Variants in B3GALT1 observed in about 807,000 individuals in gnomAD.
B3GALT1 encodes the protein UDP-Gal:betaGlcNAc beta 1,3-galactosyltransferase, polypeptide 1.
Under a neutral mutation model 23.2 loss-of-function variants are expected in B3GALT1, and 10 were observed. The ratio of observed to expected loss-of-function variants is 0.43; its 90% confidence interval spans 0.27 to 0.73. The LOEUF (loss-of-function observed/expected upper bound fraction) is 0.73, where lower values mean the gene tolerates loss of function less well. B3GALT1 is among the 30% of genes least tolerant of loss of function. The probability of loss-of-function intolerance (pLI) is 0.21; values close to 1 mark genes in which losing one functional copy is unlikely to be tolerated. For missense variants in B3GALT1, 299 were observed against 405.4 expected, an observed-to-expected ratio of 0.74 and a Z score of 2.25; for synonymous variants, 156 against 141.5, an observed-to-expected ratio of 1.10 and a Z score of -0.73.
At chr2:167,298,399 G>T (rs1696391085) in intron 1 of B3GALT1, among the ~76,000 whole-genome samples, 1 of 152,052 alleles carries the variant, frequency 6.6e-6, no homozygotes, top group African/African-American at 2.4e-5. Flanking sequence ...CTACTAGTTT[G>T]TGCATTTTAT....
intron 3 of B3GALT1, among the ~76,000 whole-genome samples, chr2:167,688,510 G>T (rs767898034): frequency 1.3e-5 from 2 of 152,002 alleles, no homozygotes; most frequent in Non-Finnish European, 2.9e-5. Context: ...ATACAATAAT[G>T]AAATTTTTAA....
In B3GALT1 at chr2:167,616,190, G is replaced by A. The variant is rs544373147; in HGVS notation, c.-409-30719G>A. 3.3e-5 allele frequency among the ~76,000 whole-genome samples: 5 copies of A among 152,056 alleles called. 1 individual carries two copies. In the South Asian group the frequency reaches 8.3e-4, roughly 25 times the overall value. The stretch of plus-strand genomic sequence containing the variant: ...GAGATTGAATATCTAATATTTCAAA[G>A]CAGTAATGATTCAAATGTTGAATAA... On this transcript the variant is annotated intron_variant, in intron 2 of 4. Coordinates refer to ENST00000392690, the MANE Select transcript of B3GALT1 (RefSeq NM_020981.4).
chr2:167,561,421 C>G (rs1452235306), intron 2 of B3GALT1, among the ~76,000 whole-genome samples: 3 of 151,954 alleles, frequency 2.0e-5, no homozygotes, highest in Non-Finnish European at 4.4e-5. Context: ...CAAACACATT[C>G]AAAAGCTAGC....
chr2:167,873,024 C>T lies in B3GALT1; in HGVS notation c.*3004C>T, dbSNP rs1435210883. Reference sequence around the variant, plus strand: ...GTGATCAAGAAAAAGCTCTAACTTTCGACTTTTGTTAATTTTATGACATGA... The same window carrying T: ...GTGATCAAGAAAAAGCTCTAACTTTTGACTTTTGTTAATTTTATGACATGA... On this transcript the variant is annotated 3_prime_UTR_variant, in exon 5 of 5. Transcript: ENST00000392690. 4 of 152,064 alleles carry T rather than the reference C, an allele frequency of 2.6e-5. No individual in the cohort carries two copies. Among genetic ancestry groups the T allele is most frequent in the East Asian group, 1.9e-4 (1 of 5,196 alleles). The allele number at this position is 152,064 out of a possible 1,614,324, so 9.4% of individuals were successfully genotyped here. A position where few individuals can be genotyped will look rare whatever the true frequency, so the allele number is the denominator to read the frequency against.
chr2:167,606,953 G>T (rs1390747960), intron 2 of B3GALT1, among the ~76,000 whole-genome samples: 1 of 152,110 alleles, frequency 6.6e-6, no homozygotes, highest in Non-Finnish European at 1.5e-5. Context: ...AGCATTTAGG[G>T]GGACGGATTC....
At chr2:167,671,904 A>T (rs1686332461) in intron 3 of B3GALT1, among the ~76,000 whole-genome samples, 1 of 152,098 alleles carries the variant, frequency 6.6e-6, no homozygotes, top group African/African-American at 2.4e-5. Context: ...AAAAGAGAAG[A>T]CTCAAATAAA....
At chr2:167,440,344 GAAAAAAAA>G (rs745706207) in intron 1 of B3GALT1, among the ~76,000 whole-genome samples, 1 of 70,140 alleles carries the variant, frequency 1.4e-5, no homozygotes, top group East Asian at 4.8e-4. Flanking sequence ...GACTCTGTCT[GAAAAAAAA>G]AAAAAAAAAA....
intron 2 of B3GALT1, among the ~76,000 whole-genome samples, chr2:167,545,979 G>A (rs562466831): frequency 1.3e-5 from 2 of 152,234 alleles, no homozygotes; most frequent in South Asian, 4.1e-4. Context: ...ATAGGCTGAA[G>A]GTACTTTTAT....
At chr2:167,642,852 C>G (rs1558934574) in intron 2 of B3GALT1, among the ~76,000 whole-genome samples, 1 of 152,088 alleles carries the variant, frequency 6.6e-6, no homozygotes, top group East Asian at 1.9e-4. Flanking sequence ...AAAACATTGG[C>G]TAATATAATA....
rs571893626 is a variant in B3GALT1, at chr2:167,425,956, A to T, written c.-510-64221A>T. On this transcript the variant is annotated intron_variant, in intron 1 of 4. Coordinates refer to ENST00000392690, the MANE Select transcript of B3GALT1 (RefSeq NM_020981.4). ...ATACCATTTTTTGCTGCTTTAAAGC[A>T]CCTTTTTTTCATTCCCTCAGCAATT... Among the ~76,000 whole-genome samples the T allele has an allele frequency of 3.3e-5, 5 of 152,292 alleles. No homozygotes were observed. The East Asian group carries it at 9.6e-4, about 29-fold the overall frequency.
At chr2:167,353,747 A>G (rs939558862) in intron 1 of B3GALT1, among the ~76,000 whole-genome samples, 3 of 152,152 alleles carry the variant, frequency 2.0e-5, no homozygotes, top group Non-Finnish European at 4.4e-5. Context: ...ATGATTTTTC[A>G]ATTTCCTGTA....
At chr2:167,336,832 A>G (rs1447857950) in intron 1 of B3GALT1, among the ~76,000 whole-genome samples, 1 of 152,100 alleles carries the variant, frequency 6.6e-6, no homozygotes, top group African/African-American at 2.4e-5. Flanking sequence ...CATTTCCCTC[A>G]AGGGCCCATA....
intron 2 of B3GALT1, among the ~76,000 whole-genome samples, chr2:167,506,614 C>G (rs2105351154): frequency 6.6e-6 from 1 of 152,252 alleles, no homozygotes; most frequent in South Asian, 2.1e-4. Flanking sequence ...CATGCAAGTG[C>G]TAGTATTTCT....
chr2:167,303,682 C>CACACACACACACACACACAG (rs535369991), intron 1 of B3GALT1, among the ~76,000 whole-genome samples: 1 of 148,834 alleles, frequency 6.7e-6, no homozygotes, highest in African/African-American at 2.5e-5. Flanking sequence ...CACACACACA[C>CACACACACACACACACACAG]AGAGAGAGAC....
chr2:167,577,404 A>AG (rs1006123426), intron 2 of B3GALT1, among the ~76,000 whole-genome samples: 139 of 152,000 alleles, frequency 9.1e-4, no homozygotes, highest in African/African-American at 3.2e-3. Context: ...TCAAGTGGAA[A>AG]GATAGGACTA....
At chr2:167,683,768 T>A (rs1362995718) in intron 3 of B3GALT1, among the ~76,000 whole-genome samples, 3 of 151,566 alleles carry the variant, frequency 2.0e-5, no homozygotes, top group Non-Finnish European at 4.4e-5. Flanking sequence ...CACACACACA[T>A]CAAAGACAAT....
At chr2:167,583,529 T>C (rs1357708735) in intron 2 of B3GALT1, among the ~76,000 whole-genome samples, 2 of 152,206 alleles carry the variant, frequency 1.3e-5, no homozygotes, top group Non-Finnish European at 2.9e-5. Flanking sequence ...AAACATTATA[T>C]CTGTTACTTT....
intron 1 of B3GALT1, among the ~76,000 whole-genome samples, chr2:167,463,642 G>A (rs1421007217): frequency 6.6e-6 from 1 of 152,082 alleles, no homozygotes; most frequent in Non-Finnish European, 1.5e-5. Flanking sequence ...GCCAACAAAA[G>A]TCCCAACTTT....
At chr2:167,504,015 C>G in intron 2 of B3GALT1, among the ~76,000 whole-genome samples, 1 of 152,242 alleles carries the variant, frequency 6.6e-6, no homozygotes, top group Non-Finnish European at 1.5e-5. Flanking sequence ...GAGACAGAAA[C>G]TTAACAATAT....
Sources: allele counts gnomAD v4.1 joint callset (sites outside exome capture counted in the v4.1 genomes callset), GRCh38; gene constraint gnomAD v4.1.1; transcripts MANE v1.5; gene names NCBI Gene and HGNC (gene_info 2026-07-23, HGNC 2026-07-21).